The following OSBPL10 variants were observed in gnomAD, a reference collection of about 807,000 sequenced individuals.
OSBPL10 encodes oxysterol binding protein like 10, also known as oxysterol-binding protein-related protein 10.
In OSBPL10, 49 loss-of-function variants were observed where a neutral mutation model predicts 81.7. That is an observed-to-expected ratio of 0.60 (90% CI 0.48 to 0.76). OSBPL10 has a LOEUF of 0.76. Ranked by LOEUF, OSBPL10 falls within the 30% of genes least tolerant of loss-of-function variation. OSBPL10 has a pLI of 0.00. For missense variants in OSBPL10, 923 were observed against 987.8 expected, an observed-to-expected ratio of 0.93 and a Z score of 0.88; for synonymous variants, 419 against 383.6, an observed-to-expected ratio of 1.09 and a Z score of -1.08.
rs1293280809 is a variant in OSBPL10, at chr3:31,661,254, G to A, written c.*818C>T. ...GCTGTGGTTGTGCATGTTTTCATGTGCATGCATGTATTTAACTTCTAAAGC... is the reference window on the plus strand; with the variant it reads ...GCTGTGGTTGTGCATGTTTTCATGTACATGCATGTATTTAACTTCTAAAGC... On this transcript the variant is annotated 3_prime_UTR_variant, in exon 12 of 12. Transcript: ENST00000396556. The A allele has an allele frequency of 6.6e-6, 1 of 152,440 alleles. No individual in the cohort carries two copies. Among genetic ancestry groups the A allele is most frequent in the Non-Finnish European group, 1.5e-5 (1 of 68,024 alleles). 9.4% of individuals were successfully genotyped at this position (152,440 alleles called of 1,614,324 possible). A position where few individuals can be genotyped will look rare whatever the true frequency, so the allele number is the denominator to read the frequency against.
At chr3:31,784,895 G>T (rs2125779836) in intron 4 of OSBPL10, among the ~76,000 whole-genome samples, 1 of 88,226 alleles carries the variant, frequency 1.1e-5, no homozygotes, top group Admixed American at 1.2e-4. Flanking sequence ...GCGGGGGGGT[G>T]GGGATACAGG....
intron 2 of OSBPL10, among the ~76,000 whole-genome samples, chr3:32,008,892 T>C (rs1227266367): frequency 6.6e-6 from 1 of 152,184 alleles, no homozygotes; most frequent in Non-Finnish European, 1.5e-5. Flanking sequence ...AGTTATAGTA[T>C]TACCCTAAAG....
chr3:31,709,142 C>T (rs968472204), intron 6 of OSBPL10: 2 of 586,434 alleles, frequency 3.4e-6, no homozygotes, highest in Non-Finnish European at 4.3e-6. Flanking sequence ...CAAGTACACG[C>T]ATGTCCACAC....
intron 2 of OSBPL10, among the ~76,000 whole-genome samples, chr3:32,019,293 A>G (rs370602497): frequency 6.6e-6 from 1 of 152,200 alleles, no homozygotes; most frequent in East Asian, 1.9e-4. Context: ...TTCAAAAAGC[A>G]TATTTAGGGA....
intron 8 of OSBPL10, among the ~76,000 whole-genome samples, chr3:31,673,950 GA>G (rs200431459): frequency 3.3e-5 from 5 of 150,584 alleles, no homozygotes; most frequent in South Asian, 2.1e-4. Context: ...CCAACTAATT[GA>G]AAAAAAAATT....
chr3:31,720,357 G>C (rs1415081801), intron 6 of OSBPL10, among the ~76,000 whole-genome samples: 1 of 152,188 alleles, frequency 6.6e-6, no homozygotes, highest in Non-Finnish European at 1.5e-5. Flanking sequence ...GGGAGGAAGG[G>C]AGGGGCAATG....
At position 31,939,143 on chromosome 3, in the gene OSBPL10, C is replaced by CTTTTTTTTTTTTTTTTTT. The variant is rs1559525545; in HGVS notation, c.281+41755_281+41756insAAAAAAAAAAAAAAAAAA. 8.0e-5 allele frequency among the ~76,000 whole-genome samples: 4 copies of CTTTTTTTTTTTTTTTTTT among 49,700 alleles called. 2 individuals carry two copies. Among genetic ancestry groups the CTTTTTTTTTTTTTTTTTT allele is most frequent in the Non-Finnish European group, 9.2e-5 (2 of 21,828 alleles). The allele number at this position is 49,700 out of a possible 152,430, so 32.6% of individuals were successfully genotyped here. On this transcript the variant is annotated intron_variant, in intron 1 of 11. Coordinates refer to ENST00000396556, the MANE Select transcript of OSBPL10 (RefSeq NM_017784.5). ...GTTTAATGTGCCAAGACTCTCTCAT[C>CTTTTTTTTTTTTTTTTTT]CTTTTTTTTTTTTTTTTTTGAGACA...
intron 1 of OSBPL10, among the ~76,000 whole-genome samples, chr3:31,926,267 G>T (rs1487896868): frequency 7.0e-6 from 1 of 142,416 alleles, no homozygotes; most frequent in Non-Finnish European, 1.5e-5. Flanking sequence ...TAAACCGGTG[G>T]TTCTCAACCA....
chr3:32,013,064 G>A (rs1023431665), intron 2 of OSBPL10, among the ~76,000 whole-genome samples: 12 of 152,122 alleles, frequency 7.9e-5, no homozygotes, highest in African/African-American at 2.9e-4. Context: ...GGATATCCAG[G>A]AATTGAACTC....
chr3:31,852,349 G>A (rs1168005051), intron 3 of OSBPL10, among the ~76,000 whole-genome samples: 1 of 152,092 alleles, frequency 6.6e-6, no homozygotes, highest in Non-Finnish European at 1.5e-5. Context: ...AAGAGTACAG[G>A]GATGTGCTGA....
chr3:31,995,820 A>G (rs1251109645), intron 2 of OSBPL10, among the ~76,000 whole-genome samples: 1 of 152,126 alleles, frequency 6.6e-6, no homozygotes, highest in Non-Finnish European at 1.5e-5. Flanking sequence ...CAGGTTTTTA[A>G]AGAGCCACAG....
intron 2 of OSBPL10, among the ~76,000 whole-genome samples, chr3:32,003,557 G>C (rs1353203419): frequency 6.6e-6 from 1 of 152,148 alleles, no homozygotes; most frequent in Non-Finnish European, 1.5e-5. Context: ...GAAGAAACAG[G>C]GTGTTTCTGA....
chr3:31,852,924 T>C (rs948718741), intron 3 of OSBPL10, among the ~76,000 whole-genome samples: 1 of 152,128 alleles, frequency 6.6e-6, no homozygotes, highest in African/African-American at 2.4e-5. Context: ...GATGAGAATC[T>C]AGGAATTTAA....
rs752352944 is a variant in OSBPL10, at chr3:31,990,062, A to G, written n.298+56429T>C. 5.9e-5 allele frequency: 95 copies of G among 1,613,920 alleles called. No homozygotes were observed. The highest frequency in any genetic ancestry group is 7.4e-5 in the Non-Finnish European group (87 of 1,179,938). On this transcript the variant is annotated intron_variant and non_coding_transcript_variant, in intron 2 of 3. Coordinates refer to the OSBPL10 transcript ENST00000479173. ...GACAAAGTTTTTAGTCGCAAATCAA[A>G]TCTTGAAAGACATAGGAGAATTCAT...
chr3:31,827,111 C>A (rs887662088), intron 4 of OSBPL10, among the ~76,000 whole-genome samples: 2 of 151,942 alleles, frequency 1.3e-5, no homozygotes, highest in Middle Eastern at 3.2e-3. Context: ...TGGGGTCTTG[C>A]TATGTTGCCC....
Position 31,673,087 on chromosome 3 carries a change from CT to C in OSBPL10, c.1727-2105del, listed in dbSNP as rs535145848. Among the ~76,000 whole-genome samples the C allele has an allele frequency of 9.8e-5, 15 of 152,320 alleles. No individual in the cohort carries two copies. In the East Asian group the frequency reaches 2.7e-3, roughly 27 times the overall value. On this transcript the variant is annotated intron_variant, in intron 8 of 11. Transcript: ENST00000396556. The stretch of plus-strand genomic sequence containing the variant: ...CCAAAAGTAAAGCCCCAGGCCACCT[CT>C]TGCTCTCATTCTGTCATTCATTCTT...
intron 3 of OSBPL10, among the ~76,000 whole-genome samples, chr3:31,832,371 T>A (rs79380446): frequency 6.6e-6 from 1 of 152,132 alleles, no homozygotes; most frequent in Non-Finnish European, 1.5e-5. Context: ...GTATTCCCTA[T>A]TGAAAACATT....
At chr3:31,991,095 G>C (rs34397293) in intron 2 of OSBPL10, 35,974 of 1,006,560 alleles carry the variant, frequency 0.036, 825 homozygotes, top group East Asian at 0.1. Context: ...GCATTGACTT[G>C]AGTTTCAGTT....
intron 2 of OSBPL10, among the ~76,000 whole-genome samples, chr3:31,877,667 G>C (rs1405609203): frequency 6.6e-6 from 1 of 151,950 alleles, no homozygotes; most frequent in Non-Finnish European, 1.5e-5. Context: ...ACTTCAGCTT[G>C]AACTTTCAGG....
Sources: gnomAD v4.1 joint callset for allele counts (sites outside exome capture counted in the v4.1 genomes callset) on GRCh38, gnomAD v4.1.1 for gene constraint, MANE v1.5 for transcripts, NCBI Gene and HGNC (gene_info 2026-07-23, HGNC 2026-07-21) for gene names.